HERC3: variants seen among roughly 807,000 people sequenced by gnomAD.
The protein encoded by HERC3 is probable E3 ubiquitin-protein ligase HERC3.
Under a neutral mutation model 129.9 loss-of-function variants are expected in HERC3, and 58 were observed. The observed-to-expected ratio is 0.45, with a 90% CI of 0.36 to 0.56. The LOEUF (loss-of-function observed/expected upper bound fraction) is 0.56. HERC3 is among the 20% of genes least tolerant of loss of function. The pLI is 0.00. For synonymous variants in HERC3, 430 were observed against 451.0 expected (o/e 0.95, Z 0.59); for missense variants, 835 against 1,244.2 (o/e 0.67, Z 4.95).
chr4:88,632,516 A>G (rs1253254119), intron 3 of HERC3, among the ~76,000 whole-genome samples: 1 of 152,256 alleles, frequency 6.6e-6, no homozygotes, highest in African/African-American at 2.4e-5. Flanking sequence ...GTTTACAAAT[A>G]TTTCAACAAG....
chr4:88,637,888 T>A (rs1560704223), intron 3 of HERC3, among the ~76,000 whole-genome samples: 1 of 151,766 alleles, frequency 6.6e-6, no homozygotes, highest in Non-Finnish European at 1.5e-5. Context: ...ATTGACACAG[T>A]AAAAAACAAT....
At chr4:88,585,337 T>C in the HERC3 span, among the ~76,000 whole-genome samples, 8 of 152,196 alleles carry the variant, frequency 5.3e-5, no homozygotes. Context: ...TGTAGTTGGT[T>C]AGTAGGTGGT....
Position 88,681,171 on chromosome 4 carries a change from C to T in HERC3, c.2353C>T (p.His785Tyr). 1.2e-6 allele frequency: 2 copies of T among 1,610,650 alleles called. No homozygotes were observed. Among genetic ancestry groups the T allele is most frequent in the South Asian group, 2.2e-5 (2 of 90,042 alleles). The change falls in exon 21 of 26, where the codon CAC becomes TAC. Residue 785 changes from histidine to tyrosine, a missense_variant. By Grantham distance (83) the His-to-Tyr change is moderately conservative. Coordinates refer to ENST00000402738, the MANE Select transcript of HERC3 (RefSeq NM_014606.3). The stretch of plus-strand genomic sequence containing the variant: ...GTGTCCTAAAAAGTGTTTTGTAGAG[C>T]ACAACTGGTTTCACTTGATTGGTAT... ...LWFSDTCFVE[H>Y]NWFHLIGITC... is the part of the protein sequence containing the mutation.
At chr4:88,664,813 G>C (rs1730870619) in intron 12 of HERC3, among the ~76,000 whole-genome samples, 1 of 151,846 alleles carries the variant, frequency 6.6e-6, no homozygotes, top group Non-Finnish European at 1.5e-5. Context: ...GAGGCTTCAG[G>C]GGCTCCTTGG....
intron 3 of HERC3, among the ~76,000 whole-genome samples, chr4:88,632,733 A>G (rs982393221): frequency 2.6e-5 from 4 of 152,236 alleles, no homozygotes; most frequent in African/African-American, 9.6e-5. Context: ...GATAATAAAG[A>G]TGGGAAAACA....
At chr4:88,698,072 G>T (rs1734858491) in intron 23 of HERC3, among the ~76,000 whole-genome samples, 1 of 152,180 alleles carries the variant, frequency 6.6e-6, no homozygotes, top group Non-Finnish European at 1.5e-5. Flanking sequence ...GGCTGGGAGT[G>T]TCAGTAGCTG....
the HERC3 span, chr4:88,523,929 T>A: frequency 2.0e-6 from 1 of 507,848 alleles, no homozygotes; most frequent in South Asian, 3.1e-5. Context: ...GGCAGAGGCC[T>A]CTGGTGAGTG....
intron 3 of HERC3, among the ~76,000 whole-genome samples, chr4:88,623,958 C>T (rs1725821840): frequency 6.6e-6 from 1 of 152,222 alleles, no homozygotes; most frequent in Non-Finnish European, 1.5e-5. Context: ...TTAACATCCA[C>T]ACCAACTGTT....
the HERC3 span, among the ~76,000 whole-genome samples, chr4:88,525,217 G>A: frequency 1.3e-4 from 20 of 152,092 alleles, no homozygotes; most frequent in African/African-American, 3.6e-4. Context: ...ATAACTTTCC[G>A]TTATTAGAGT....
At chr4:88,625,709 G>A (rs1440394582) in intron 3 of HERC3, among the ~76,000 whole-genome samples, 1 of 152,142 alleles carries the variant, frequency 6.6e-6, no homozygotes, top group Non-Finnish European at 1.5e-5. Flanking sequence ...AGTGGCAAAA[G>A]TGTACATCCT....
At chr4:88,552,399 C>A in the HERC3 span, among the ~76,000 whole-genome samples, 1 of 152,084 alleles carries the variant, frequency 6.6e-6, no homozygotes, top group Admixed American at 6.6e-5. Flanking sequence ...ATTACAGGCA[C>A]GTGCCACCAT....
intron 3 of HERC3, among the ~76,000 whole-genome samples, chr4:88,631,218 G>C (rs1379025547): frequency 6.6e-6 from 1 of 152,140 alleles, no homozygotes; most frequent in Non-Finnish European, 1.5e-5. Flanking sequence ...ACTTTGGGAG[G>C]CTGAGGCAGG....
rs1578247571 is a variant in HERC3 at position 88,653,179 on chromosome 4, A to G, written c.685+89A>G. The G allele has an allele frequency of 7.1e-6, 9 of 1,264,106 alleles. No homozygotes were observed. The East Asian group carries it at 1.7e-4, about 23-fold the overall frequency. The allele number at this position is 1,264,106 out of a possible 1,614,324, so 78.3% of individuals were successfully genotyped here. ...TGAGGATCTACTATGTGCTAGCCCC[A>G]TGTGAGATACTAAGGGAGAAGCAGT... On this transcript the variant is annotated intron_variant, in intron 6 of 25. Coordinates refer to ENST00000402738, the MANE Select transcript of HERC3 (RefSeq NM_014606.3).
chr4:88,635,847 A>G (rs929311689), intron 3 of HERC3, among the ~76,000 whole-genome samples: 1 of 152,186 alleles, frequency 6.6e-6, no homozygotes, highest in African/African-American at 2.4e-5. Context: ...TCAATATTCA[A>G]CATTTTTAAA....
chr4:88,651,436 T>G (rs1170531718), intron 4 of HERC3, among the ~76,000 whole-genome samples: 1 of 152,206 alleles, frequency 6.6e-6, no homozygotes, highest in Non-Finnish European at 1.5e-5. Context: ...GTAAGGTGAA[T>G]GACCTTGGGC....
chr4:88,574,254 A>C, the HERC3 span, among the ~76,000 whole-genome samples: 1 of 152,224 alleles, frequency 6.6e-6, no homozygotes, highest in South Asian at 2.1e-4. Context: ...GTGGCAGTGC[A>C]CAGAGGTTGC....
At chr4:88,686,934 A>T in intron 22 of HERC3, 132 bp downstream of exon 22, 1 of 743,188 alleles carries the variant, frequency 1.3e-6, no homozygotes, top group Non-Finnish European at 2.3e-6. Context: ...TATTTTAGTC[A>T]TAGTGTCTTG....
intron 3 of HERC3, among the ~76,000 whole-genome samples, chr4:88,610,003 T>C (rs763094790): frequency 6.6e-6 from 1 of 152,170 alleles, no homozygotes; most frequent in Non-Finnish European, 1.5e-5. Flanking sequence ...GTCATGGCGC[T>C]GGTGGGAGTG....
At chr4:88,642,731 T>C (rs79938232) in intron 3 of HERC3, among the ~76,000 whole-genome samples, 1 of 152,164 alleles carries the variant, frequency 6.6e-6, no homozygotes, top group Non-Finnish European at 1.5e-5. Flanking sequence ...CTCATGACCT[T>C]ATCACTTCTC....
Sources: allele counts gnomAD v4.1 joint callset (sites outside exome capture counted in the v4.1 genomes callset), GRCh38; gene constraint gnomAD v4.1.1; transcripts MANE v1.5; gene names NCBI Gene and HGNC (gene_info 2026-07-23, HGNC 2026-07-21).